Variants in OLFML1 observed in about 807,000 individuals in gnomAD.
OLFML1 encodes the protein olfactomedin-like protein 1.
In OLFML1, 33 loss-of-function variants were observed where a neutral mutation model predicts 37.3. The observed-to-expected ratio is 0.88, with a 90% CI of 0.67 to 1.18. The LOEUF is 1.18. OLFML1 is among the 50% of genes most tolerant of loss of function. OLFML1 has a pLI of 0.00. For missense variants in OLFML1, 545 were observed against 483.7 expected (o/e 1.13, Z -1.19); for synonymous variants, 186 against 181.3 (o/e 1.03, Z -0.21).
At chr11:7,499,708 A>G (rs907040040) in intron 2 of OLFML1, among the ~76,000 whole-genome samples, 3 of 152,296 alleles carry the variant, frequency 2.0e-5, no homozygotes, top group Admixed American at 1.3e-4. Flanking sequence ...CATGGGGGGA[A>G]TTCTGTTTCT....
At position 7,509,584 on chromosome 11, in the gene OLFML1, C is replaced by T. The variant is rs1250412647; in HGVS notation, c.605C>T (p.Pro202Leu). 1 of 1,614,084 alleles carries T rather than the reference C, an allele frequency of 6.2e-7. No individual in the cohort carries two copies. The highest frequency in any genetic ancestry group is 1.7e-5 in the Admixed American group (1 of 60,006). The change falls in exon 3 of 3, where the codon CCA (proline) becomes CTA (leucine). Residue 202 changes from proline to leucine, a missense_variant. Physicochemically the swap from Pro to Leu is moderately conservative, Grantham distance 98. Transcript: ENST00000329293. ...IRAFMEDNTK[P>L]APRKQILTLS... ...GCATTCATGGAGGATAACACCAAGC[C>T]AGCTCCCCGGAAGCAAATCCTAACA...
intron 2 of OLFML1, among the ~76,000 whole-genome samples, chr11:7,500,828 A>G (rs1008199018): frequency 2.6e-5 from 4 of 151,918 alleles, no homozygotes; most frequent in African/African-American, 9.7e-5. Context: ...TGAGGCCAGG[A>G]GTTTGAGACC....
rs760380362 is a variant in OLFML1, at chr11:7,509,860, T to C, written c.881T>C (p.Leu294Pro). ...SGPGTHSHLVLTKIEPGTLGV... is the reference protein window; with the variant it reads ...SGPGTHSHLVPTKIEPGTLGV... ...CCAGGCACCCATAGCCATTTGGTTC[T>C]CACAAAGATTGAGCCGGGCACACTG... The change falls in exon 3 of 3, where the codon CTC becomes CCC. Residue 294 changes from leucine (L) to proline (P), a missense_variant. Leu to Pro is a moderately conservative substitution (Grantham distance 98). Transcript: ENST00000329293. 5 of 1,614,220 alleles carry C rather than the reference T, an allele frequency of 3.1e-6. No homozygotes were observed. The highest frequency in any genetic ancestry group is 3.3e-4 in the Middle Eastern group (2 of 6,062).
intron 2 of OLFML1, among the ~76,000 whole-genome samples, chr11:7,491,790 G>C (rs1476739402): frequency 2.6e-5 from 3 of 113,312 alleles, no homozygotes; most frequent in Non-Finnish European, 5.7e-5. Flanking sequence ...GGTACTTGTA[G>C]GGCTGGGACC....
chr11:7,492,750 T>G (rs1403992015), intron 2 of OLFML1, among the ~76,000 whole-genome samples: 1 of 152,144 alleles, frequency 6.6e-6, no homozygotes, highest in Non-Finnish European at 1.5e-5. Flanking sequence ...TCTCCTTCCC[T>G]CTCTTCTTCT....
Position 7,485,791 on chromosome 11 carries a change from G to C in OLFML1, c.-85G>C. 2.9e-6 allele frequency: 4 copies of C among 1,392,812 alleles called. No individual in the cohort carries two copies. Among genetic ancestry groups the C allele is most frequent in the Non-Finnish European group, 4.0e-6 (4 of 999,692 alleles). The allele number at this position is 1,392,812 out of a possible 1,614,324, so 86.3% of individuals were successfully genotyped here. On this transcript the variant is annotated 5_prime_UTR_variant, in exon 1 of 3. Coordinates refer to ENST00000329293, the MANE Select transcript of OLFML1 (RefSeq NM_198474.4). The stretch of plus-strand genomic sequence containing the variant: ...AGAGGATTTGCCACAGCAGCGGATA[G>C]AGCAGGAGAGCACCACCGGAGCCCT...
chr11:7,492,176 C>A (rs1463732931), intron 2 of OLFML1, among the ~76,000 whole-genome samples: 1 of 152,050 alleles, frequency 6.6e-6, no homozygotes, highest in Non-Finnish European at 1.5e-5. Context: ...GTCTGATAGG[C>A]TCAGCTGGTG....
chr11:7,501,983 A>C (rs562109545), intron 2 of OLFML1, among the ~76,000 whole-genome samples: 1 of 152,318 alleles, frequency 6.6e-6, no homozygotes, highest in East Asian at 1.9e-4. Context: ...AACAGATGAA[A>C]TAATTAAGAA....
At position 7,509,481 on chromosome 11, in the gene OLFML1, G is replaced by A; in HGVS notation, c.502G>A (p.Ala168Thr). The A allele has an allele frequency of 6.2e-7, 1 of 1,614,010 alleles. No homozygotes were observed. The highest frequency in any genetic ancestry group is 8.5e-7 in the Non-Finnish European group (1 of 1,179,904). ...CACACATGGCTCTTGGATGAAAGAT[G>A]CTGTCTATAACTCTCCAAAGGTGTA... ...MDTHGSWMKD[A>T]VYNSPKVYLL... The change falls in exon 3 of 3, where the codon GCT becomes ACT. Residue 168 changes from alanine to threonine, a missense_variant. Transcript: ENST00000329293.
At chr11:7,493,575 G>A (rs1393255759) in intron 2 of OLFML1, among the ~76,000 whole-genome samples, 1 of 152,236 alleles carries the variant, frequency 6.6e-6, no homozygotes, top group Non-Finnish European at 1.5e-5. Context: ...CAGGGGGATG[G>A]CAACATTGGA....
chr11:7,492,548 G>A (rs1848611420), intron 2 of OLFML1, among the ~76,000 whole-genome samples: 1 of 152,128 alleles, frequency 6.6e-6, no homozygotes, highest in Non-Finnish European at 1.5e-5. Flanking sequence ...CAACTACTAA[G>A]GGCCAAGTAC....
intron 2 of OLFML1, among the ~76,000 whole-genome samples, chr11:7,489,285 T>C (rs1277931877): frequency 1.3e-5 from 2 of 152,154 alleles, no homozygotes; most frequent in Non-Finnish European, 2.9e-5. Context: ...TCTTCCTAAA[T>C]GAGGTGACAC....
rs986786265 is a variant in OLFML1, at chr11:7,493,672, G to A, written c.418+5257G>A. ...CTGTGCTGGGTTCAGAAAGGCCCACGTACATAGCACTTCTTTTGTTTATCC... is the reference window on the plus strand; with the variant it reads ...CTGTGCTGGGTTCAGAAAGGCCCACATACATAGCACTTCTTTTGTTTATCC... On this transcript the variant is annotated intron_variant, in intron 2 of 2. Transcript: ENST00000329293. 3.9e-5 allele frequency among the ~76,000 whole-genome samples: 6 copies of A among 152,330 alleles called. No homozygotes were observed. In the East Asian group the frequency reaches 7.7e-4, roughly 20 times the overall value.
intron 2 of OLFML1, 30 bp from the exon 3 acceptor site, chr11:7,509,368 T>G (rs540443686): frequency 6.5e-7 from 1 of 1,537,766 alleles, no homozygotes; most frequent in African/African-American, 1.4e-5. Context: ...GTTTATAAAG[T>G]AATCTCTCCT....
Position 7,509,925 on chromosome 11 carries a change from G to A in OLFML1, c.946G>A (p.Asp316Asn). ...HSWDTPCRSQ[D>N]AEASFLLCGV... ...ATGGGATACCCCATGCAGAAGCCAG[G>A]ATGCTGAAGCCTCATTCCTCTTGTG... Residue 316 changes from aspartate (D) to asparagine (N), a missense_variant, in exon 3 of 3, where the codon GAT becomes AAT. By Grantham distance (23) the Asp-to-Asn change is conservative. Transcript: ENST00000329293. 1 of 1,614,260 alleles carries A rather than the reference G, an allele frequency of 6.2e-7. No homozygotes were observed. Among genetic ancestry groups the A allele is most frequent in the South Asian group, 1.1e-5 (1 of 91,090 alleles).
intron 2 of OLFML1, chr11:7,489,058 T>G (rs1366702958): frequency 6.6e-6 from 1 of 152,208 alleles, no homozygotes; most frequent in African/African-American, 2.4e-5. Context: ...ATTAAAACAA[T>G]GAGGGAGACA....
intron 2 of OLFML1, among the ~76,000 whole-genome samples, chr11:7,508,457 T>G (rs1848811661): frequency 1.3e-5 from 2 of 152,228 alleles, no homozygotes; most frequent in South Asian, 4.1e-4. Flanking sequence ...TCAACTCCAT[T>G]TATCCTTCAA....
intron 1 of OLFML1, among the ~76,000 whole-genome samples, chr11:7,487,205 C>G (rs1335960635): frequency 6.6e-6 from 1 of 152,170 alleles, no homozygotes; most frequent in Non-Finnish European, 1.5e-5. Flanking sequence ...ATCTTCCCAC[C>G]CCAGTCCTGA....
chr11:7,495,342 A>C (rs1026030761), intron 2 of OLFML1, among the ~76,000 whole-genome samples: 1 of 151,660 alleles, frequency 6.6e-6, no homozygotes, highest in Admixed American at 6.6e-5. Flanking sequence ...CAACCCCCCC[A>C]AAAATAACAT....
Sources: gnomAD v4.1 joint callset for allele counts (sites outside exome capture counted in the v4.1 genomes callset) on GRCh38, gnomAD v4.1.1 for gene constraint, MANE v1.5 for transcripts, NCBI Gene and HGNC (gene_info 2026-07-23, HGNC 2026-07-21) for gene names.